Variants in HTR2A observed in about 807,000 individuals in gnomAD.
The protein encoded by HTR2A is 5-hydroxytryptamine receptor 2A.
HTR2A carries 14 observed loss-of-function variants against 31.0 expected under a neutral mutation model. The observed-to-expected ratio is 0.45, with a 90% CI of 0.30 to 0.71. The LOEUF (loss-of-function observed/expected upper bound fraction) is 0.71, where lower values mean the gene tolerates loss of function less well. HTR2A is among the 30% of genes least tolerant of loss of function. HTR2A has a pLI of 0.09. For synonymous variants in HTR2A, 209 were observed against 225.2 expected (o/e 0.93, Z 0.64); for missense variants, 442 against 573.3 (o/e 0.77, Z 2.34).
intron 3 of HTR2A, chr13:46,854,239 C>T (rs925632534): frequency 1.3e-5 from 2 of 152,188 alleles, no homozygotes; most frequent in African/African-American, 4.8e-5. Context: ...CAGTGATGGG[C>T]TTTCAGGAGA....
At chr13:46,871,168 TAACTG>T (rs1950861226) in intron 3 of HTR2A, among the ~76,000 whole-genome samples, 1 of 152,228 alleles carries the variant, frequency 6.6e-6, no homozygotes. Flanking sequence ...TGTACTGAAT[TAACTG>T]AACCCATTAT....
In HTR2A at chr13:46,896,855, G is replaced by T; in HGVS notation, c.-510C>A. 6.5e-7 allele frequency: 1 copy of T among 1,535,292 alleles called. No individual in the cohort carries two copies. Among genetic ancestry groups the T allele is most frequent in the African/African-American group, 1.4e-5 (1 of 73,090 alleles). On this transcript the variant is annotated 5_prime_UTR_variant, in exon 1 of 4. Transcript: ENST00000542664. ...GCATGCAAGAGCTGAGCCAGCTCCC[G>T]CACTGCTAGGATCCTGTTGGCTTCC...
chr13:46,842,448 G>C (rs568961850), intron 3 of HTR2A, among the ~76,000 whole-genome samples: 1 of 152,208 alleles, frequency 6.6e-6, no homozygotes, highest in African/African-American at 2.4e-5. Context: ...TAGAAGGTGT[G>C]GGGAGAAACA....
At chr13:46,838,957 T>C (rs1950578060) in intron 3 of HTR2A, among the ~76,000 whole-genome samples, 1 of 149,098 alleles carries the variant, frequency 6.7e-6, no homozygotes, top group Non-Finnish European at 1.5e-5. Flanking sequence ...TGGAATAGTG[T>C]CTTTGGTTGG....
chr13:46,886,206 ATTAT>A (rs1951005212), intron 3 of HTR2A, among the ~76,000 whole-genome samples: 1 of 152,306 alleles, frequency 6.6e-6, no homozygotes, highest in African/African-American at 2.4e-5. Flanking sequence ...ACTTAATGAG[ATTAT>A]TTATTTTAGA....
chr13:46,894,032 C>T (rs995966640), intron 2 of HTR2A, among the ~76,000 whole-genome samples: 1 of 152,228 alleles, frequency 6.6e-6, no homozygotes, highest in East Asian at 1.9e-4. Context: ...TCTGTCTGTT[C>T]GGAACAGATG....
intron 3 of HTR2A, among the ~76,000 whole-genome samples, chr13:46,870,190 C>T (rs746103850): frequency 6.6e-6 from 1 of 151,922 alleles, no homozygotes; most frequent in Non-Finnish European, 1.5e-5. Flanking sequence ...GTAAACATAC[C>T]TGAGATAATT....
intron 3 of HTR2A, among the ~76,000 whole-genome samples, chr13:46,837,823 T>C (rs1254113509): frequency 6.6e-6 from 1 of 152,242 alleles, no homozygotes; most frequent in Non-Finnish European, 1.5e-5. Flanking sequence ...CTTAGTGACA[T>C]TTGCCATTAT....
intron 3 of HTR2A, among the ~76,000 whole-genome samples, chr13:46,847,732 G>A (rs768002840): frequency 6.6e-6 from 1 of 152,098 alleles, no homozygotes; most frequent in Non-Finnish European, 1.5e-5. Flanking sequence ...GTACCACGAG[G>A]CCCAAACAAC....
intron 3 of HTR2A, among the ~76,000 whole-genome samples, chr13:46,860,299 A>G (rs1420387468): frequency 6.6e-6 from 1 of 152,212 alleles, no homozygotes; most frequent in Non-Finnish European, 1.5e-5. Flanking sequence ...AGAAACTTCC[A>G]TAATAATGAC....
Position 46,895,923 on chromosome 13 carries a change from G to A in HTR2A, c.-17C>T, listed in dbSNP as rs201460128. ...AATATCCATGTCTAAGCCAGAACTT[G>A]TAGCAGATGAGGTGTAGAAGGACTA... On this transcript the variant is annotated 5_prime_UTR_variant, in exon 2 of 4. Coordinates refer to ENST00000542664, the MANE Select transcript of HTR2A (RefSeq NM_000621.5). This position sits in a 1 kb window ranked among gnomAD's most constrained non-coding sequence, Gnocchi z 4.4. 8.2e-5 allele frequency: 130 copies of A among 1,594,842 alleles called. No homozygotes were observed. The African/African-American group carries it at 1.5e-3, about 19-fold the overall frequency.
intron 3 of HTR2A, among the ~76,000 whole-genome samples, chr13:46,849,668 C>T (rs1221572043): frequency 2.0e-5 from 3 of 152,210 alleles, no homozygotes; most frequent in African/African-American, 7.2e-5. Flanking sequence ...CCATGGCTGG[C>T]TTCTTCTTAT....
intron 3 of HTR2A, among the ~76,000 whole-genome samples, chr13:46,882,784 T>C (rs1950976393): frequency 6.6e-6 from 1 of 152,246 alleles, no homozygotes; most frequent in South Asian, 2.1e-4. Flanking sequence ...AAACATTACA[T>C]TTACTCAATC....
rs148125832 is a variant in HTR2A, at chr13:46,868,378, G to A, written c.613+24012C>T. 5.5e-3 allele frequency among the ~76,000 whole-genome samples: 841 copies of A among 152,296 alleles called. 6 individuals carry two copies. The highest frequency in any genetic ancestry group is 0.019 in the African/African-American group (799 of 41,564). ...TTAACATTTGCACAAGGTTGTTGAG[G>A]ATAAAGGCAATTGCCAAGAACAAGT... On this transcript the variant is annotated intron_variant, in intron 3 of 3. Transcript: ENST00000542664.
chr13:46,869,163 G>C (rs1950844927), intron 3 of HTR2A, among the ~76,000 whole-genome samples: 1 of 152,098 alleles, frequency 6.6e-6, no homozygotes, highest in Non-Finnish European at 1.5e-5. Context: ...TACAGAATGA[G>C]AAAAAATATT....
chr13:46,844,634 C>G (rs1950626270), intron 3 of HTR2A, among the ~76,000 whole-genome samples: 2 of 152,116 alleles, frequency 1.3e-5, no homozygotes, highest in South Asian at 4.1e-4. Flanking sequence ...TGGATCTAGG[C>G]CCGTTATTTT....
chr13:46,874,379 C>T (rs1950889663), intron 3 of HTR2A, among the ~76,000 whole-genome samples: 1 of 152,202 alleles, frequency 6.6e-6, no homozygotes, highest in Non-Finnish European at 1.5e-5. Context: ...CCACAAGGGC[C>T]TCTTAGGGGA....
chr13:46,844,348 G>A (rs962804955), intron 3 of HTR2A, among the ~76,000 whole-genome samples: 5 of 152,174 alleles, frequency 3.3e-5, no homozygotes, highest in African/African-American at 7.2e-5. Flanking sequence ...GAATAATTTC[G>A]TAATGCTTCC....
intron 3 of HTR2A, among the ~76,000 whole-genome samples, chr13:46,871,234 G>A (rs912633509): frequency 7.2e-5 from 11 of 152,188 alleles, no homozygotes; most frequent in Admixed American, 6.5e-4. Context: ...ACCTGATTCA[G>A]ATTTCTTATT....
Sources: gnomAD v4.1 joint callset for allele counts (sites outside exome capture counted in the v4.1 genomes callset) on GRCh38, gnomAD v4.1.1 for gene constraint, Gnocchi (gnomAD v3.1) non-coding constraint, MANE v1.5 for transcripts, NCBI Gene and HGNC (gene_info 2026-07-23, HGNC 2026-07-21) for gene names.